Variants in KCNIP4 observed in about 807,000 individuals in gnomAD.
The protein encoded by KCNIP4 is potassium voltage-gated channel interacting protein 4.
In KCNIP4, 12 loss-of-function variants were observed where a neutral mutation model predicts 34.0. That is an observed-to-expected ratio of 0.35 (90% confidence interval 0.23 to 0.57). The LOEUF (loss-of-function observed/expected upper bound fraction) is 0.57. Ranked by LOEUF, KCNIP4 falls within the 20% of genes least tolerant of loss-of-function variation. KCNIP4 has a pLI of 0.83. For synonymous variants in KCNIP4, 124 were observed against 102.2 expected (o/e 1.21, Z -1.29); for missense variants, 238 against 311.7 (o/e 0.76, Z 1.78).
Position 21,842,500 on chromosome 4 carries a change from G to T in KCNIP4, c.61+106071C>A, listed in dbSNP as rs543853785. On this transcript the variant is annotated intron_variant, in intron 1 of 8. Coordinates refer to ENST00000382152, the MANE Select transcript of KCNIP4 (RefSeq NM_025221.6). ...TAACAGTACGCAATGTTGTACAAAT[G>T]CTTTTTATGTACAAGTACTTTGACA... 8.5e-4 allele frequency among the ~76,000 whole-genome samples: 129 copies of T among 152,116 alleles called. No homozygotes were observed. The Middle Eastern group carries it at 0.02, about 24-fold the overall frequency.
At chr4:21,587,041 T>A (rs990063775) in intron 1 of KCNIP4, among the ~76,000 whole-genome samples, 2 of 152,172 alleles carry the variant, frequency 1.3e-5, no homozygotes, top group East Asian at 3.9e-4. Context: ...CTCAAGAAGG[T>A]TGAAGTTATT....
At chr4:21,096,709 A>G (rs1312697658) in intron 1 of KCNIP4, among the ~76,000 whole-genome samples, 1 of 152,156 alleles carries the variant, frequency 6.6e-6, no homozygotes, top group African/African-American at 2.4e-5. Context: ...TACAATATAT[A>G]TTTGGTTTTC....
At chr4:21,294,671 C>A (rs1322873907) in intron 1 of KCNIP4, among the ~76,000 whole-genome samples, 1 of 152,098 alleles carries the variant, frequency 6.6e-6, no homozygotes, top group Non-Finnish European at 1.5e-5. Context: ...GTAATTATTA[C>A]AATATGTATG....
chr4:20,837,292 C>T (rs1020025602), intron 3 of KCNIP4, among the ~76,000 whole-genome samples: 20 of 152,218 alleles, frequency 1.3e-4, no homozygotes, highest in African/African-American at 4.8e-4. Context: ...TTTAAGAGGA[C>T]TTAGAGTCTC....
At chr4:21,036,418 G>T (rs746638488) in intron 1 of KCNIP4, among the ~76,000 whole-genome samples, 7 of 152,220 alleles carry the variant, frequency 4.6e-5, no homozygotes, top group Non-Finnish European at 1.0e-4. Flanking sequence ...GAGATAGATT[G>T]CTCCTGCAAA....
intron 1 of KCNIP4, among the ~76,000 whole-genome samples, chr4:21,896,680 A>G (rs1230452153): frequency 2.0e-5 from 3 of 152,166 alleles, no homozygotes; most frequent in Non-Finnish European, 4.4e-5. Flanking sequence ...GCACTTTGGG[A>G]GGCCGAGGCA....
chr4:21,586,145 G>A (rs1741589847), intron 1 of KCNIP4, among the ~76,000 whole-genome samples: 1 of 151,934 alleles, frequency 6.6e-6, no homozygotes, highest in Non-Finnish European at 1.5e-5. Context: ...GACAAAAAAG[G>A]CAAAATAAAA....
intron 1 of KCNIP4, among the ~76,000 whole-genome samples, chr4:21,915,081 T>C (rs531885519): frequency 2.6e-5 from 4 of 152,198 alleles, no homozygotes; most frequent in Non-Finnish European, 4.4e-5. Flanking sequence ...ACCAGGGTGC[T>C]GTAGCGGCAC....
chr4:20,996,202 C>A (rs1468935732), intron 1 of KCNIP4, among the ~76,000 whole-genome samples: 1 of 152,214 alleles, frequency 6.6e-6, no homozygotes, highest in Non-Finnish European at 1.5e-5. Flanking sequence ...GCTAACATAG[C>A]CGTAGGCCCA....
intron 1 of KCNIP4, among the ~76,000 whole-genome samples, chr4:21,150,683 A>G (rs1043302783): frequency 2.0e-5 from 3 of 152,248 alleles, no homozygotes; most frequent in African/African-American, 7.2e-5. Context: ...TTACCCACAC[A>G]ATAAGAAATT....
intron 1 of KCNIP4, among the ~76,000 whole-genome samples, chr4:21,113,477 A>T (rs1293957916): frequency 6.9e-6 from 1 of 145,234 alleles, no homozygotes; most frequent in South Asian, 2.1e-4. Flanking sequence ...AAAAAAAAAA[A>T]AAAGGAAAGC....
intron 1 of KCNIP4, among the ~76,000 whole-genome samples, chr4:21,859,618 A>G (rs2109348513): frequency 7.6e-6 from 1 of 130,982 alleles, no homozygotes; most frequent in East Asian, 2.9e-4. Context: ...ACAGAGCAAG[A>G]CTCCATTTCA....
intron 1 of KCNIP4, chr4:21,846,921 G>A (rs1724055898): frequency 6.6e-6 from 1 of 152,182 alleles, no homozygotes. Flanking sequence ...GCCAATCTAT[G>A]TTGGATAGAG....
intron 3 of KCNIP4, among the ~76,000 whole-genome samples, chr4:20,789,911 T>C (rs983995923): frequency 1.3e-5 from 2 of 152,054 alleles, no homozygotes; most frequent in Non-Finnish European, 2.9e-5. Flanking sequence ...TTGTAGAAAT[T>C]GGTACCTAGA....
rs190064446 is a variant in KCNIP4, at chr4:21,944,696, G to T, written c.61+3875C>A. 3.8e-3 allele frequency among the ~76,000 whole-genome samples: 580 copies of T among 152,246 alleles called. 2 individuals are homozygous for T. Among genetic ancestry groups the T allele is most frequent in the African/African-American group, 0.013 (531 of 41,544 alleles). On this transcript the variant is annotated intron_variant, in intron 1 of 8. Coordinates refer to ENST00000382152, the MANE Select transcript of KCNIP4 (RefSeq NM_025221.6). ...CAAGTCAGACTTCATGCTCAATACTGGGGATAAAGTGGTGGACAGGACAGA... is the reference window on the plus strand; with the variant it reads ...CAAGTCAGACTTCATGCTCAATACTTGGGATAAAGTGGTGGACAGGACAGA...
chr4:21,496,152 G>A (rs1248307029), intron 1 of KCNIP4, among the ~76,000 whole-genome samples: 1 of 152,212 alleles, frequency 6.6e-6, no homozygotes, highest in African/African-American at 2.4e-5. Context: ...AAAAGCTTTG[G>A]ATTCCATTCC....
intron 3 of KCNIP4, among the ~76,000 whole-genome samples, chr4:20,837,522 GAATTT>G (rs931378708): frequency 2.2e-4 from 33 of 151,864 alleles, no homozygotes; most frequent in East Asian, 1.7e-3. Flanking sequence ...TGGTGCCCTA[GAATTT>G]AATTTTAGTT....
At chr4:21,676,632 T>C (rs1749925113) in intron 1 of KCNIP4, among the ~76,000 whole-genome samples, 1 of 152,192 alleles carries the variant, frequency 6.6e-6, no homozygotes, top group Non-Finnish European at 1.5e-5. Flanking sequence ...ATGTTCCAGG[T>C]CTATTTTATG....
intron 3 of KCNIP4, among the ~76,000 whole-genome samples, chr4:20,816,343 G>T (rs1175423871): frequency 6.6e-6 from 1 of 151,928 alleles, no homozygotes; most frequent in African/African-American, 2.4e-5. Context: ...TTTTTGAGAG[G>T]TAGGGAGAAC....
Sources: gnomAD v4.1 joint callset for allele counts (sites outside exome capture counted in the v4.1 genomes callset) on GRCh38, gnomAD v4.1.1 for gene constraint, MANE v1.5 for transcripts, NCBI Gene and HGNC (gene_info 2026-07-23, HGNC 2026-07-21) for gene names.